Variants in TENM2 observed in about 807,000 individuals in gnomAD.
TENM2 encodes the protein teneurin-2.
Under a neutral mutation model 245.2 loss-of-function variants are expected in TENM2, and 52 were observed. The ratio of observed to expected loss-of-function variants is 0.21; its 90% CI spans 0.17 to 0.27. The LOEUF is 0.27. Among genes scored for constraint, TENM2 ranks in the 10% least tolerant of loss-of-function variants. The pLI, the probability that TENM2 is intolerant of heterozygous loss-of-function variation, is 1.00. For synonymous variants in TENM2, 1,363 were observed against 1,438.9 expected, an observed-to-expected ratio of 0.95 and a Z score of 1.19; for missense variants, 3,046 against 3,666.8, an observed-to-expected ratio of 0.83 and a Z score of 4.37.
the TENM2 span, among the ~76,000 whole-genome samples, chr5:167,206,028 G>C: frequency 6.6e-6 from 1 of 152,036 alleles, no homozygotes; most frequent in Non-Finnish European, 1.5e-5. Flanking sequence ...CCAATTTCAC[G>C]GTCAAATGAT....
At chr5:167,819,862 G>T (rs1013938314) in intron 2 of TENM2, among the ~76,000 whole-genome samples, 1 of 152,198 alleles carries the variant, frequency 6.6e-6, no homozygotes, top group African/African-American at 2.4e-5. Flanking sequence ...GCACCAAGGA[G>T]CATTTGTGGA....
intron 23 of TENM2, among the ~76,000 whole-genome samples, chr5:168,221,431 A>C (rs982514758): frequency 4.6e-5 from 7 of 152,202 alleles, no homozygotes; most frequent in Middle Eastern, 3.2e-3. Context: ...TGGAATCCAG[A>C]TCTCCAAGCC....
At chr5:167,772,275 T>C (rs2150772793) in intron 2 of TENM2, among the ~76,000 whole-genome samples, 1 of 152,314 alleles carries the variant, frequency 6.6e-6, no homozygotes, top group East Asian at 1.9e-4. Context: ...ATCAAAAATA[T>C]TATAATAATT....
rs918211860 is a variant in TENM2 at position 167,435,155 on chromosome 5, G to A, written c.502+59682G>A. ...TGTACATCTTATCAGTAGTTTCATG[G>A]GGGGGAAAGGAATAATGTAATCAGA... is the stretch of plus-strand genomic sequence containing the variant. On this transcript the variant is annotated intron_variant, in intron 2 of 28. Coordinates refer to ENST00000518659, the Ensembl canonical transcript of TENM2. 5.1e-5 allele frequency among the ~76,000 whole-genome samples: 5 copies of A among 98,270 alleles called. No homozygotes were observed. In the East Asian group the frequency reaches 9.9e-4, roughly 19 times the overall value. The allele number at this position is 98,270 out of a possible 152,430, so 64.5% of individuals were successfully genotyped here. A position where few individuals can be genotyped will look rare whatever the true frequency, so the allele number is the denominator to read the frequency against.
intron 2 of TENM2, among the ~76,000 whole-genome samples, chr5:167,742,890 C>G (rs186426808): frequency 1.8e-4 from 28 of 152,072 alleles, no homozygotes; most frequent in Admixed American, 1.6e-3. Context: ...ACAACTTGAG[C>G]CCAGGGGTTT....
At chr5:167,630,091 T>C (rs573715608) in intron 2 of TENM2, among the ~76,000 whole-genome samples, 7 of 152,158 alleles carry the variant, frequency 4.6e-5, no homozygotes, top group African/African-American at 1.7e-4. Context: ...CATAATTTTA[T>C]GGATAGAATT....
intron 2 of TENM2, among the ~76,000 whole-genome samples, chr5:167,508,487 A>G (rs1769707551): frequency 6.6e-6 from 1 of 152,192 alleles, no homozygotes. Context: ...ATGGCTCCAC[A>G]TATTCACAGT....
chr5:168,063,743 A>G lies in TENM2; in HGVS notation c.1515+1478A>G, dbSNP rs117803100. On this transcript the variant is annotated intron_variant, in intron 7 of 28. Transcript: ENST00000518659. Reference sequence around the variant, plus strand: ...AGCCCAGTGCACACATACCTCCCATATAACTCTTAAGGCAGCCACTATCAA... The same window carrying G: ...AGCCCAGTGCACACATACCTCCCATGTAACTCTTAAGGCAGCCACTATCAA... Among the ~76,000 whole-genome samples the G allele has an allele frequency of 9.5e-4, 145 of 152,300 alleles. 1 individual carries two copies. The highest frequency in any genetic ancestry group is 6.8e-3 in the Middle Eastern group (2 of 294).
chr5:167,181,107 C>T, the TENM2 span, among the ~76,000 whole-genome samples: 6 of 151,910 alleles, frequency 3.9e-5, no homozygotes, highest in South Asian at 2.1e-4. Flanking sequence ...CACAGAGATG[C>T]GCTAGGAATA....
chr5:166,995,706 C>T, the TENM2 span, among the ~76,000 whole-genome samples: 6 of 149,448 alleles, frequency 4.0e-5, no homozygotes, highest in African/African-American at 1.5e-4. Flanking sequence ...ATCCCAGCTA[C>T]TCGGGAGGCT....
chr5:167,394,143 C>G (rs1761921147), intron 2 of TENM2, among the ~76,000 whole-genome samples: 1 of 152,120 alleles, frequency 6.6e-6, no homozygotes, highest in Non-Finnish European at 1.5e-5. Flanking sequence ...GTAGTCCCAC[C>G]TATTTTTGCT....
At chr5:167,901,627 G>A (rs1293498557) in intron 3 of TENM2, among the ~76,000 whole-genome samples, 8 of 152,096 alleles carry the variant, frequency 5.3e-5, no homozygotes, top group African/African-American at 1.4e-4. Flanking sequence ...CATTGAATGG[G>A]CCTAGCACCA....
chr5:168,248,196 G>A (rs762938260), exon 27 of TENM2: 3 of 1,614,036 alleles, frequency 1.9e-6, no homozygotes, highest in South Asian at 2.2e-5. Flanking sequence ...ATGACCCCCT[G>A]ACCAAGCTGG....
intron 5 of TENM2, among the ~76,000 whole-genome samples, chr5:168,013,388 G>A (rs1349057767): frequency 6.6e-6 from 1 of 152,132 alleles, no homozygotes; most frequent in African/African-American, 2.4e-5. Context: ...CGGATCACCT[G>A]AGGTCAGGAG....
chr5:168,051,455 T>TA (rs1789080885), intron 6 of TENM2, among the ~76,000 whole-genome samples: 5 of 151,920 alleles, frequency 3.3e-5, no homozygotes, highest in Non-Finnish European at 7.4e-5. Context: ...TCTGACCCTT[T>TA]AAAAAAAATA....
At chr5:167,008,057 T>C in the TENM2 span, among the ~76,000 whole-genome samples, 1 of 152,200 alleles carries the variant, frequency 6.6e-6, no homozygotes, top group East Asian at 1.9e-4. Context: ...TCCTCTTCTC[T>C]ACCTGCTTTT....
intron 1 of TENM2, among the ~76,000 whole-genome samples, chr5:167,336,103 A>G (rs961478815): frequency 2.0e-5 from 3 of 151,908 alleles, no homozygotes; most frequent in Non-Finnish European, 4.4e-5. Context: ...CTCATGCTAG[A>G]ACACATATAA....
At chr5:168,237,665 T>C (rs1307207374) in intron 25 of TENM2, among the ~76,000 whole-genome samples, 1 of 152,144 alleles carries the variant, frequency 6.6e-6, no homozygotes, top group Non-Finnish European at 1.5e-5. Context: ...TAATGTTTGC[T>C]TGGGGAATAC....
chr5:168,074,739 G>A (rs140132149), intron 7 of TENM2, among the ~76,000 whole-genome samples: 1 of 152,198 alleles, frequency 6.6e-6, no homozygotes, highest in East Asian at 1.9e-4. Flanking sequence ...CGAACATTTT[G>A]CACCGGATGT....
Sources: gnomAD v4.1 joint callset for allele counts (sites outside exome capture counted in the v4.1 genomes callset) on GRCh38, gnomAD v4.1.1 for gene constraint, MANE v1.5 for transcripts, NCBI Gene and HGNC (gene_info 2026-07-23, HGNC 2026-07-21) for gene names.